LPP: variants seen among roughly 807,000 people sequenced by gnomAD.
The protein encoded by LPP is LIM domain containing preferred translocation partner in lipoma.
LPP carries 38 observed loss-of-function variants against 60.4 expected under a neutral mutation model. That is an observed-to-expected ratio of 0.63 (90% CI 0.49 to 0.83). The LOEUF is 0.83. Ranked by LOEUF, LPP falls within the 40% of genes least tolerant of loss-of-function variation. The pLI is 0.00. For synonymous variants in LPP, 328 were observed against 290.8 expected (o/e 1.13, Z -1.30); for missense variants, 902 against 783.6 (o/e 1.15, Z -1.80).
chr3:188,884,709 G>T lies in LPP; in HGVS notation c.*10230G>T. The T allele has an allele frequency of 4.4e-6, 1 of 227,178 alleles. No homozygotes were observed. The highest frequency in any genetic ancestry group is 8.7e-6 in the Non-Finnish European group (1 of 114,326). 14.1% of individuals were successfully genotyped at this position (227,178 alleles called of 1,614,324 possible). On this transcript the variant is annotated 3_prime_UTR_variant, in exon 12 of 12. Transcript: ENST00000617246. ...AGAGGTGACTCGATTCCTAAAAGAA[G>T]CCTCTCTCCCATGAACCACGATGTA...
intron 4 of LPP, among the ~76,000 whole-genome samples, chr3:188,450,846 G>A (rs1398482932): frequency 1.3e-5 from 2 of 152,008 alleles, no homozygotes; most frequent in Admixed American, 6.6e-5. Context: ...GTATTTCACT[G>A]ATTGATTTCG....
At chr3:188,874,103 T>C (rs949346198) in intron 11 of LPP, among the ~76,000 whole-genome samples, 1 of 152,156 alleles carries the variant, frequency 6.6e-6, no homozygotes, top group Admixed American at 6.5e-5. Flanking sequence ...TCATATCAAG[T>C]GAGCTTAGGA....
chr3:188,434,088 T>G (rs1791702661), intron 4 of LPP, among the ~76,000 whole-genome samples: 1 of 152,178 alleles, frequency 6.6e-6, no homozygotes. Context: ...CTGTGATTAG[T>G]GTTCTAAGAC....
intron 9 of LPP, among the ~76,000 whole-genome samples, chr3:188,809,237 T>C (rs1309015565): frequency 6.6e-6 from 1 of 152,208 alleles, no homozygotes; most frequent in African/African-American, 2.4e-5. Context: ...TTTCTGGTTC[T>C]AGATCCTTGA....
At chr3:188,759,008 G>T (rs1395912600) in intron 8 of LPP, among the ~76,000 whole-genome samples, 1 of 152,112 alleles carries the variant, frequency 6.6e-6, no homozygotes, top group East Asian at 1.9e-4. Context: ...ACAGCTTCTG[G>T]CTAACATTCC....
chr3:188,346,279 A>ATTTTTTTTTTTTTTTTT (rs1764353289), intron 3 of LPP, among the ~76,000 whole-genome samples: 1 of 31,986 alleles, frequency 3.1e-5, no homozygotes, highest in African/African-American at 2.0e-4. Flanking sequence ...TTTTTTTTTG[A>ATTTTTTTTTTTTTTTTT]GACGGAGTCT....
chr3:188,874,361 G>A lies in LPP; in HGVS notation c.1721G>A (p.Gly574Asp). Reference protein sequence around the residue: ...VHCYRCEDCGGLLSEGDNQGC... With the variant: ...VHCYRCEDCGDLLSEGDNQGC... Reference sequence around the variant, plus strand: ...TCTTTACTGTTCTAGGATTGCGGTGGTCTCCTGTCTGAAGGAGATAACCAA... The same window carrying A: ...TCTTTACTGTTCTAGGATTGCGGTGATCTCCTGTCTGAAGGAGATAACCAA... Residue 574 changes from glycine (G) to aspartate (D), a missense_variant, in exon 12 of 12, where the codon GGT becomes GAT. Coordinates refer to ENST00000617246, the MANE Select transcript of LPP (RefSeq NM_001375462.1). The A allele has an allele frequency of 1.2e-6, 2 of 1,613,566 alleles. No homozygotes were observed. Among genetic ancestry groups the A allele is most frequent in the Non-Finnish European group, 1.7e-6 (2 of 1,179,646 alleles).
intron 7 of LPP, among the ~76,000 whole-genome samples, chr3:188,628,433 C>A (rs961954282): frequency 1.3e-5 from 2 of 151,970 alleles, no homozygotes; most frequent in African/African-American, 2.4e-5. Context: ...ACCAACCCCA[C>A]AGCAATACAA....
chr3:188,755,869 A>C (rs564658777), intron 8 of LPP, among the ~76,000 whole-genome samples: 1 of 131,344 alleles, frequency 7.6e-6, no homozygotes, highest in Admixed American at 8.2e-5. Flanking sequence ...AAAAAAACAA[A>C]GAAAAGAAAA....
At chr3:188,712,487 G>A (rs1478111615) in intron 8 of LPP, 1 of 152,242 alleles carries the variant, frequency 6.6e-6, no homozygotes, top group African/African-American at 2.4e-5. Flanking sequence ...AGGATGAGCG[G>A]AAAGAATACA....
intron 4 of LPP, among the ~76,000 whole-genome samples, chr3:188,483,897 T>G (rs1169103911): frequency 6.6e-6 from 1 of 152,252 alleles, no homozygotes; most frequent in Non-Finnish European, 1.5e-5. Context: ...CTCTGCTGCA[T>G]GCATGATAAA....
At chr3:188,432,449 A>G (rs1045388089) in intron 4 of LPP, among the ~76,000 whole-genome samples, 1 of 152,194 alleles carries the variant, frequency 6.6e-6, no homozygotes, top group Non-Finnish European at 1.5e-5. Context: ...AAATCAGAGT[A>G]TTAGCTGAAG....
At chr3:188,186,718 A>T (rs191423937) in intron 1 of LPP, among the ~76,000 whole-genome samples, 1 of 152,140 alleles carries the variant, frequency 6.6e-6, no homozygotes, top group African/African-American at 2.4e-5. Context: ...CATTACCCAT[A>T]GTCAACCACT....
At chr3:188,565,119 G>T (rs554173840) in intron 6 of LPP, among the ~76,000 whole-genome samples, 2 of 152,042 alleles carry the variant, frequency 1.3e-5, no homozygotes, top group Admixed American at 1.3e-4. Flanking sequence ...CAGCTCCTGG[G>T]TATCTAGTCT....
chr3:188,328,492 C>T (rs1465027717), intron 2 of LPP, among the ~76,000 whole-genome samples: 1 of 152,140 alleles, frequency 6.6e-6, no homozygotes, highest in Non-Finnish European at 1.5e-5. Flanking sequence ...TACTTGAAAA[C>T]ATGAATTTTA....
At chr3:188,733,770 T>C (rs931229736) in intron 8 of LPP, among the ~76,000 whole-genome samples, 1 of 144,068 alleles carries the variant, frequency 6.9e-6, no homozygotes, top group African/African-American at 2.5e-5. Context: ...TGAAGTGTTT[T>C]TGTGGTTGTT....
chr3:188,245,406 CA>C (rs2149503443), intron 2 of LPP, among the ~76,000 whole-genome samples: 1 of 152,278 alleles, frequency 6.6e-6, no homozygotes, highest in African/African-American at 2.4e-5. Context: ...TGCTTTTAAA[CA>C]GTTTGTGGGC....
At chr3:188,746,645 G>A (rs1726312299) in intron 8 of LPP, 2 of 429,624 alleles carry the variant, frequency 4.7e-6, no homozygotes. Flanking sequence ...CCATTTTTAT[G>A]CAGTTTCTGT....
At chr3:188,868,245 CAT>C (rs1767166416) in intron 10 of LPP, among the ~76,000 whole-genome samples, 1 of 152,212 alleles carries the variant, frequency 6.6e-6, no homozygotes, top group South Asian at 2.1e-4. Context: ...TCGGAGCACA[CAT>C]GTTTCTGTGG....
Sources: gnomAD v4.1 joint callset for allele counts (sites outside exome capture counted in the v4.1 genomes callset) on GRCh38, gnomAD v4.1.1 for gene constraint, MANE v1.5 for transcripts, NCBI Gene and HGNC (gene_info 2026-07-23, HGNC 2026-07-21) for gene names.